TMEM245: variants seen among roughly 807,000 people sequenced by gnomAD.
TMEM245 encodes the protein transmembrane protein 245.
A neutral mutation model predicts 101.2 loss-of-function variants in TMEM245; 69 were observed. The observed-to-expected ratio is 0.68, with a 90% CI of 0.56 to 0.83. The LOEUF (loss-of-function observed/expected upper bound fraction) is 0.83. Among genes scored for constraint, TMEM245 ranks in the 40% least tolerant of loss-of-function variants. The pLI, the probability that TMEM245 is intolerant of heterozygous loss-of-function variation, is 0.00. For missense variants in TMEM245, 1,075 were observed against 1,092.8 expected, an observed-to-expected ratio of 0.98 and a Z score of 0.23; for synonymous variants, 537 against 449.8, an observed-to-expected ratio of 1.19 and a Z score of -2.45.
intron 9 of TMEM245, among the ~76,000 whole-genome samples, chr9:109,070,549 G>A (rs1829301355): frequency 6.6e-6 from 1 of 152,080 alleles, no homozygotes; most frequent in African/African-American, 2.4e-5. Context: ...CTTCTCATCT[G>A]GTTTACTCTA....
intron 1 of TMEM245, among the ~76,000 whole-genome samples, chr9:109,114,811 T>C (rs1199638088): frequency 6.6e-6 from 1 of 151,888 alleles, no homozygotes; most frequent in Non-Finnish European, 1.5e-5. Flanking sequence ...CATGGGAAGA[T>C]GCCAAGAACT....
chr9:109,093,366 G>C (rs374519583), intron 4 of TMEM245, 109 bp downstream of exon 4: 1 of 844,656 alleles, frequency 1.2e-6, no homozygotes, highest in Non-Finnish European at 1.9e-6. Context: ...AATAAATGAA[G>C]GATCAGCAGG....
chr9:109,089,388 G>T (rs1467185480), intron 5 of TMEM245, among the ~76,000 whole-genome samples: 1 of 152,124 alleles, frequency 6.6e-6, no homozygotes, highest in East Asian at 1.9e-4. Context: ...ATAAAAAGAA[G>T]TGATGAAAAC....
chr9:109,024,319 G>A (rs1279029877), intron 17 of TMEM245, among the ~76,000 whole-genome samples: 3 of 152,138 alleles, frequency 2.0e-5, no homozygotes, highest in Admixed American at 6.5e-5. Context: ...CTAAGGCTAG[G>A]ATTTACTATG....
intron 1 of TMEM245, among the ~76,000 whole-genome samples, chr9:109,116,799 A>G (rs1268383312): frequency 6.6e-6 from 1 of 152,096 alleles, no homozygotes; most frequent in African/African-American, 2.4e-5. Flanking sequence ...AAGTGCTGGG[A>G]CTACAGGCGT....
Position 109,090,580 on chromosome 9 carries a change from C to T in TMEM245, c.1150+342G>A, listed in dbSNP as rs1406114175. Among the ~76,000 whole-genome samples, 5 of 151,776 alleles carry T rather than the reference C, an allele frequency of 3.3e-5. No individual in the cohort carries two copies. The East Asian group carries it at 5.9e-4, about 18-fold the overall frequency. On this transcript the variant is annotated intron_variant, in intron 5 of 17. Transcript: ENST00000374586. Reference sequence around the variant, plus strand: ...TACTAAAAATAAAAAAAAAATTAGCCGGGTGTGGTGGTGGGCACCTATAGT... The same window carrying T: ...TACTAAAAATAAAAAAAAAATTAGCTGGGTGTGGTGGTGGGCACCTATAGT...
intron 3 of TMEM245, among the ~76,000 whole-genome samples, chr9:109,100,735 T>C (rs986284613): frequency 7.2e-5 from 11 of 152,232 alleles, no homozygotes; most frequent in African/African-American, 2.4e-4. Flanking sequence ...AGTATCTTCA[T>C]CTGTAAATGA....
intron 17 of TMEM245, among the ~76,000 whole-genome samples, chr9:109,029,957 G>A (rs1827899857): frequency 6.6e-6 from 1 of 152,096 alleles, no homozygotes; most frequent in African/African-American, 2.4e-5. Context: ...AAAGTCGTAT[G>A]GGTAAAGAAA....
intron 9 of TMEM245, among the ~76,000 whole-genome samples, chr9:109,072,683 C>T (rs1829371334): frequency 6.6e-6 from 1 of 152,148 alleles, no homozygotes; most frequent in African/African-American, 2.4e-5. Context: ...CCTATCCTTC[C>T]TCAAAAATAA....
chr9:109,089,102 A>G (rs1171468375), intron 5 of TMEM245, among the ~76,000 whole-genome samples: 1 of 152,036 alleles, frequency 6.6e-6, no homozygotes, highest in Non-Finnish European at 1.5e-5. Flanking sequence ...ATGGCAAACT[A>G]CAAAAAATAC....
intron 1 of TMEM245, among the ~76,000 whole-genome samples, chr9:109,114,799 A>G (rs1477543983): frequency 1.3e-5 from 2 of 152,172 alleles, no homozygotes; most frequent in African/African-American, 4.8e-5. Flanking sequence ...GCACAGCTCC[A>G]CCATGGGAAG....
intron 1 of TMEM245, among the ~76,000 whole-genome samples, chr9:109,114,405 T>C (rs1477854572): frequency 6.6e-6 from 1 of 152,204 alleles, no homozygotes; most frequent in East Asian, 1.9e-4. Context: ...GAAGAGCCTC[T>C]TGTGATGTGT....
Position 109,020,077 on chromosome 9 carries a change from T to G in TMEM245, c.*383A>C, listed in dbSNP as rs991591518. On this transcript the variant is annotated 3_prime_UTR_variant, in exon 18 of 18. Transcript: ENST00000374586. ...TACATTTCTTAAACCAGGAAAAAAT[T>G]ACACCATCTATTCTTTTAACAGCAG... The G allele has an allele frequency of 6.4e-6, 1 of 156,096 alleles. No individual in the cohort carries two copies. The highest frequency in any genetic ancestry group is 2.4e-5 in the African/African-American group (1 of 41,548). 9.7% of individuals were successfully genotyped at this position (156,096 alleles called of 1,614,324 possible). A position where few individuals can be genotyped will look rare whatever the true frequency, so the allele number is the denominator to read the frequency against.
intron 1 of TMEM245, among the ~76,000 whole-genome samples, chr9:109,114,973 C>T (rs1046546974): frequency 1.3e-5 from 2 of 152,042 alleles, no homozygotes; most frequent in African/African-American, 4.8e-5. Flanking sequence ...GTAAGAAGCA[C>T]GGAGTTTTAG....
chr9:109,107,935 T>C (rs1044597728), intron 2 of TMEM245, among the ~76,000 whole-genome samples: 2 of 152,130 alleles, frequency 1.3e-5, no homozygotes, highest in Non-Finnish European at 2.9e-5. Context: ...AACTCTGACA[T>C]CTCTCCCTCA....
rs1564201587 is a variant in TMEM245 at position 109,091,086 on chromosome 9, G to T, written c.986C>A (p.Thr329Asn). ...TSPSPSSPSP[T>N]SPSPTLGRRR... ...TCTGCCCAGAGTAGGTGAAGGGGAA[G>T]TGGGTGAAGGGGAGGAGGGTGAAGG... Residue 329 changes from threonine to asparagine, a missense_variant, in exon 5 of 18, where the codon ACT (threonine) becomes AAT (asparagine). This residue lies in a region of TMEM245 where 808 missense variants were observed against 741.5 expected (regional missense o/e 1.09). Transcript: ENST00000374586. 6.2e-7 allele frequency: 1 copy of T among 1,614,120 alleles called. No homozygotes were observed. The highest frequency in any genetic ancestry group is 2.2e-5 in the East Asian group (1 of 44,880).
chr9:109,071,304 C>T (rs1343664772), intron 9 of TMEM245, among the ~76,000 whole-genome samples: 1 of 151,258 alleles, frequency 6.6e-6, no homozygotes, highest in African/African-American at 2.4e-5. Context: ...AAGAAATATA[C>T]TTCTTTTATG....
intron 15 of TMEM245, 73 bp downstream of exon 15, chr9:109,037,944 T>C (rs1279573644): frequency 8.1e-7 from 1 of 1,237,170 alleles, no homozygotes; most frequent in Admixed American, 2.6e-5. Context: ...GAAGTAGACA[T>C]TTCCTAGATG....
At position 109,119,259 on chromosome 9, in the gene TMEM245, AG is replaced by A. The variant is rs1830822344; in HGVS notation, c.579+75del. On this transcript the variant is annotated intron_variant, in intron 1 of 17. Coordinates refer to ENST00000374586, the MANE Select transcript of TMEM245 (RefSeq NM_032012.4). ...GGCCCCTCGTCGCCCCTGCACCGGG[AG>A]GAACAGCTGCAGGATTGCACCCCAG... The A allele has an allele frequency of 4.3e-6, 6 of 1,385,048 alleles. 1 individual carries two copies. In the Middle Eastern group the frequency reaches 1.0e-3, roughly 236 times the overall value. The allele number at this position is 1,385,048 out of a possible 1,614,324, so 85.8% of individuals were successfully genotyped here. A position where few individuals can be genotyped will look rare whatever the true frequency, so the allele number is the denominator to read the frequency against.
Sources: gnomAD v4.1 joint callset for allele counts (sites outside exome capture counted in the v4.1 genomes callset) on GRCh38, gnomAD v4.1.1 for gene constraint, gnomAD v4.1.1 regional missense constraint, MANE v1.5 for transcripts, NCBI Gene and HGNC (gene_info 2026-07-23, HGNC 2026-07-21) for gene names.